OR9Q1: variants seen among roughly 807,000 people sequenced by gnomAD.
OR9Q1 encodes olfactory receptor family 9 subfamily Q member 1.
For synonymous variants in OR9Q1, 153 were observed against 148.6 expected (o/e 1.03, Z -0.22); for missense variants, 374 against 378.8 (o/e 0.99, Z 0.11).
chr11:58,163,014 G>A (rs968754970), intron 2 of OR9Q1, among the ~76,000 whole-genome samples: 1 of 152,216 alleles, frequency 6.6e-6, no homozygotes, highest in Non-Finnish European at 1.5e-5. Flanking sequence ...GGAATTTACA[G>A]AGGGGTGAAT....
rs1191473108 is a variant in OR9Q1, at chr11:58,053,653, A to C, written c.-92-2217A>C. 3.4e-5 allele frequency among the ~76,000 whole-genome samples: 5 copies of C among 145,088 alleles called. No individual in the cohort carries two copies. In the South Asian group the frequency reaches 1.1e-3, roughly 31 times the overall value. On this transcript the variant is annotated intron_variant, in intron 1 of 2. Transcript: ENST00000335397. ...AAATATATATATATATAAATTATATATATATAAAATATATATATAAAATAA... is the reference window on the plus strand; with the variant it reads ...AAATATATATATATATAAATTATATCTATATAAAATATATATATAAAATAA...
chr11:58,137,434 A>C (rs1854200007), intron 2 of OR9Q1, among the ~76,000 whole-genome samples: 1 of 152,230 alleles, frequency 6.6e-6, no homozygotes, highest in Non-Finnish European at 1.5e-5. Context: ...GACATGAAGA[A>C]TAAAAATGAT....
At chr11:58,096,536 A>G (rs893299660) in intron 2 of OR9Q1, among the ~76,000 whole-genome samples, 1 of 152,070 alleles carries the variant, frequency 6.6e-6, no homozygotes, top group Non-Finnish European at 1.5e-5. Context: ...ATTTTTAGAG[A>G]TGGAGTCTTG....
chr11:58,153,818 T>C (rs1369273879), intron 2 of OR9Q1, among the ~76,000 whole-genome samples: 4 of 152,122 alleles, frequency 2.6e-5, no homozygotes, highest in African/African-American at 9.7e-5. Context: ...ATTAATAGTG[T>C]CACTATATCA....
chr11:58,177,661 G>A lies in OR9Q1; in HGVS notation c.-14-1770G>A, dbSNP rs11229270. ...AACCCAAGAATGGCTTATGGGCTTC[G>A]TGACTGTTGATCAATTTTAGTGAGT... On this transcript the variant is annotated intron_variant, in intron 2 of 2. Transcript: ENST00000335397. Among the ~76,000 whole-genome samples, 227 of 152,236 alleles carry A rather than the reference G, an allele frequency of 1.5e-3. 7 individuals are homozygous for A. The East Asian group carries it at 0.034, about 23-fold the overall frequency.
At chr11:58,160,053 G>A (rs1854443599) in intron 2 of OR9Q1, among the ~76,000 whole-genome samples, 1 of 152,182 alleles carries the variant, frequency 6.6e-6, no homozygotes, top group Non-Finnish European at 1.5e-5. Context: ...CTTTCACTTG[G>A]AATGTTTGCT....
intron 2 of OR9Q1, among the ~76,000 whole-genome samples, chr11:58,075,734 G>A (rs1304968706): frequency 1.3e-5 from 2 of 152,160 alleles, no homozygotes; most frequent in Non-Finnish European, 2.9e-5. Context: ...TTGTTTAAAA[G>A]CCACCCAGTT....
intron 2 of OR9Q1, among the ~76,000 whole-genome samples, chr11:58,105,371 A>G (rs1418943638): frequency 5.3e-5 from 8 of 152,184 alleles, no homozygotes; most frequent in African/African-American, 1.9e-4. Context: ...AACTGTACAT[A>G]TTTAATATAT....
intron 2 of OR9Q1, among the ~76,000 whole-genome samples, chr11:58,133,086 G>A (rs1396223695): frequency 6.6e-6 from 1 of 152,158 alleles, no homozygotes; most frequent in Non-Finnish European, 1.5e-5. Flanking sequence ...GACTGGGGAA[G>A]GACCTTTTGG....
intron 2 of OR9Q1, chr11:58,108,966 A>T (rs1046980404): frequency 1.0e-5 from 4 of 398,244 alleles, no homozygotes; most frequent in African/African-American, 8.2e-5. Context: ...TGGCTTACCC[A>T]CCTGCCGACT....
chr11:58,132,821 A>G (rs2119846527), intron 2 of OR9Q1, among the ~76,000 whole-genome samples: 1 of 152,314 alleles, frequency 6.6e-6, no homozygotes, highest in East Asian at 1.9e-4. Context: ...TCCTCTGGGC[A>G]TTGGAGAAGC....
At chr11:58,030,832 A>G (rs1334495433) in intron 1 of OR9Q1, 4 of 681,794 alleles carry the variant, frequency 5.9e-6, no homozygotes, top group Non-Finnish European at 1.1e-5. Context: ...CAGTGTGTTG[A>G]CATCATGTTT....
chr11:58,026,710 A>G (rs1047222689), intron 1 of OR9Q1: 2 of 134,728 alleles, frequency 1.5e-5, no homozygotes, highest in African/African-American at 5.4e-5. Flanking sequence ...AAAAAAAAAG[A>G]TATGGAATGC....
rs377083427 is a variant in OR9Q1 at position 58,179,721 on chromosome 11, T to C, written c.277T>C (p.Ser93Pro). ...GCTGCTGGAGCATGGGGCAGCTTTA[T>C]CTTACACACGCTGTGCTGCTCAGTT... ...AVLLEHGAAL[S>P]YTRCAAQFFL... The change falls in exon 3 of 3, where the codon TCT becomes CCT. Residue 93 changes from serine to proline, a missense_variant. By Grantham distance (74) the Ser-to-Pro change is moderately conservative. Transcript: ENST00000335397. The C allele has an allele frequency of 6.1e-5, 98 of 1,614,106 alleles. No homozygotes were observed. Among genetic ancestry groups the C allele is most frequent in the Non-Finnish European group, 7.5e-5 (89 of 1,180,048 alleles).
At chr11:58,155,859 A>AT (rs1304942325) in intron 2 of OR9Q1, among the ~76,000 whole-genome samples, 20 of 150,316 alleles carry the variant, frequency 1.3e-4, no homozygotes, top group Non-Finnish European at 1.9e-4. Flanking sequence ...ATTTTTTAGC[A>AT]TTTTTTATAA....
intron 1 of OR9Q1, among the ~76,000 whole-genome samples, chr11:58,045,753 G>C (rs1356018944): frequency 6.6e-6 from 1 of 152,122 alleles, no homozygotes; most frequent in Non-Finnish European, 1.5e-5. Context: ...ACAGAACTGG[G>C]TCATCCACAG....
At chr11:58,133,520 C>T (rs1854162803) in intron 2 of OR9Q1, among the ~76,000 whole-genome samples, 1 of 152,326 alleles carries the variant, frequency 6.6e-6, no homozygotes, top group South Asian at 2.1e-4. Context: ...TCGCTTCTCC[C>T]TTGCAATAAT....
intron 1 of OR9Q1, among the ~76,000 whole-genome samples, chr11:58,036,793 G>A (rs866575481): frequency 6.6e-6 from 1 of 152,322 alleles, no homozygotes; most frequent in Admixed American, 6.5e-5. Flanking sequence ...ATGACAAAAC[G>A]AATGGATGAA....
At chr11:58,173,735 G>A (rs1455479690) in intron 2 of OR9Q1, among the ~76,000 whole-genome samples, 1 of 152,036 alleles carries the variant, frequency 6.6e-6, no homozygotes, top group East Asian at 1.9e-4. Context: ...TTACCAGGAG[G>A]GTTTCAGAAT....
Sources: gnomAD v4.1 joint callset for allele counts (sites outside exome capture counted in the v4.1 genomes callset) on GRCh38, gnomAD v4.1.1 for gene constraint, MANE v1.5 for transcripts, NCBI Gene and HGNC (gene_info 2026-07-23, HGNC 2026-07-21) for gene names.